Variants in FBXO33 observed in about 807,000 individuals in gnomAD.
FBXO33 encodes the protein F-box protein 33.
FBXO33 carries 22 observed loss-of-function variants against 46.3 expected under a neutral mutation model. The observed-to-expected ratio is 0.48, with a 90% confidence interval of 0.34 to 0.68. The LOEUF is 0.68. Among genes scored for constraint, FBXO33 ranks in the 30% least tolerant of loss-of-function variants. The probability of loss-of-function intolerance (pLI) is 0.01; values close to 1 mark genes in which losing one functional copy is unlikely to be tolerated. For synonymous variants in FBXO33, 337 were observed against 291.3 expected, an observed-to-expected ratio of 1.16 and a Z score of -1.60; for missense variants, 692 against 708.8, an observed-to-expected ratio of 0.98 and a Z score of 0.27.
intron 1 of FBXO33, among the ~76,000 whole-genome samples, chr14:39,404,419 C>A (rs1051523589): frequency 3.3e-5 from 5 of 152,092 alleles, no homozygotes; most frequent in African/African-American, 9.7e-5. Context: ...CTCCGCCTCC[C>A]GGGTTCATGC....
chr14:39,398,695 G>C lies in FBXO33; in HGVS notation c.*821C>G. The C allele has an allele frequency of 6.6e-6, 1 of 152,612 alleles. No individual in the cohort carries two copies. Among genetic ancestry groups the C allele is most frequent in the Admixed American group, 6.5e-5 (1 of 15,282 alleles). The allele number at this position is 152,612 out of a possible 1,614,324, so 9.5% of individuals were successfully genotyped here. A position where few individuals can be genotyped will look rare whatever the true frequency, so the allele number is the denominator to read the frequency against. On this transcript the variant is annotated 3_prime_UTR_variant, in exon 4 of 4. Coordinates refer to ENST00000298097, the MANE Select transcript of FBXO33 (RefSeq NM_203301.4). ...AGAAAAATCCAGTGACTTGTTGCTA[G>C]GGATTTCACGACTAATGTTTTTGCA...
intron 1 of FBXO33, among the ~76,000 whole-genome samples, chr14:39,421,786 A>T (rs1270231280): frequency 2.2e-4 from 12 of 55,590 alleles, no homozygotes; most frequent in South Asian, 3.8e-4. Flanking sequence ...CAAATCACAC[A>T]CACACACACA....
Position 39,401,674 on chromosome 14 carries a change from C to T in FBXO33, c.898G>A (p.Val300Ile). The change falls in exon 3 of 4, where the codon GTT (valine) becomes ATT (isoleucine). Residue 300 changes from valine (V) to isoleucine (I), a missense_variant. Physicochemically the swap from Val to Ile is conservative, Grantham distance 29. This residue lies in a region of FBXO33 where 186 missense variants were observed against 246.1 expected (regional missense o/e 0.76). Coordinates refer to ENST00000298097, the MANE Select transcript of FBXO33 (RefSeq NM_203301.4). ...IPGNSTLITA[V>I]ELERFVNLHS... ...AGATTCACAAATCGCTCCAGTTCAA[C>T]TGCAGTAATAAGAGTGCTGTTACCA... The T allele has an allele frequency of 6.2e-7, 1 of 1,614,206 alleles. No individual in the cohort carries two copies. The highest frequency in any genetic ancestry group is 8.5e-7 in the Non-Finnish European group (1 of 1,180,036).
chr14:39,412,837 T>C (rs1455218884), intron 1 of FBXO33, among the ~76,000 whole-genome samples: 1 of 152,250 alleles, frequency 6.6e-6, no homozygotes, highest in Non-Finnish European at 1.5e-5. Flanking sequence ...TGCAACAGCG[T>C]TATGTCTAAA....
chr14:39,416,723 T>C (rs988226334), intron 1 of FBXO33, among the ~76,000 whole-genome samples: 1 of 152,154 alleles, frequency 6.6e-6, no homozygotes, highest in Non-Finnish European at 1.5e-5. Flanking sequence ...ACTTTGCTCA[T>C]ATATTCTTTT....
At chr14:39,419,911 C>CA (rs2075472415) in intron 1 of FBXO33, among the ~76,000 whole-genome samples, 1 of 152,258 alleles carries the variant, frequency 6.6e-6, no homozygotes, top group Admixed American at 6.5e-5. Context: ...TGTGAAATAT[C>CA]ACAAAGTCAT....
chr14:39,413,712 C>T (rs935144423), intron 1 of FBXO33, among the ~76,000 whole-genome samples: 4 of 152,232 alleles, frequency 2.6e-5, no homozygotes, highest in Non-Finnish European at 4.4e-5. Context: ...ATGAAAACAA[C>T]ATGAATCTCC....
At chr14:39,415,611 A>G (rs1249196003) in intron 1 of FBXO33, among the ~76,000 whole-genome samples, 2 of 152,206 alleles carry the variant, frequency 1.3e-5, no homozygotes, top group Admixed American at 6.5e-5. Flanking sequence ...GTTCTAATTT[A>G]TGTATTTTAA....
At chr14:39,401,048 A>C (rs563658084) in intron 3 of FBXO33, 128 bp downstream of exon 3, 1 of 859,424 alleles carries the variant, frequency 1.2e-6, no homozygotes, top group African/African-American at 1.7e-5. Flanking sequence ...TTTAAAAAGC[A>C]TAAGAATCTG....
chr14:39,431,781 G>C lies in FBXO33; in HGVS notation c.382C>G (p.Leu128Val). The C allele has an allele frequency of 3.7e-6, 6 of 1,612,684 alleles. No individual in the cohort carries two copies. Among genetic ancestry groups the C allele is most frequent in the Non-Finnish European group, 3.4e-6 (4 of 1,179,980 alleles). Residue 128 changes from leucine (L) to valine (V), a missense_variant, in exon 1 of 4, where the codon CTC (leucine) becomes GTC (valine). By Grantham distance (32) the Leu-to-Val change is conservative. Transcript: ENST00000298097. ...SPAEQPRLEFLMRKCGWFVRE... is the reference protein window; with the variant it reads ...SPAEQPRLEFVMRKCGWFVRE... ...ACGAACCAGCCGCACTTGCGCATGAGGAATTCCAGCCGAGGCTGCTCCGCG... is the reference window on the plus strand; with the variant it reads ...ACGAACCAGCCGCACTTGCGCATGACGAATTCCAGCCGAGGCTGCTCCGCG...
rs2075568119 is a variant in FBXO33 at position 39,432,362 on chromosome 14, C to T, written c.-200G>A. The stretch of plus-strand genomic sequence containing the variant: ...CCCTCGCTCGTAAACTTCAGCGGCC[C>T]GGAAGCCTCAAGGCGTACTGTAAGG... On this transcript the variant is annotated 5_prime_UTR_variant, in exon 1 of 4. Coordinates refer to ENST00000298097, the MANE Select transcript of FBXO33 (RefSeq NM_203301.4). 2 of 338,114 alleles carry T rather than the reference C, an allele frequency of 5.9e-6. No homozygotes were observed. Among genetic ancestry groups the T allele is most frequent in the Non-Finnish European group, 5.1e-6 (1 of 197,832 alleles). 20.9% of individuals were successfully genotyped at this position (338,114 alleles called of 1,614,324 possible).
Position 39,402,406 on chromosome 14 carries a change from A to C in FBXO33, c.705T>G (p.Ile235Met). 2 of 1,556,906 alleles carry C rather than the reference A, an allele frequency of 1.3e-6. No individual in the cohort carries two copies. The highest frequency in any genetic ancestry group is 1.7e-6 in the Non-Finnish European group (2 of 1,148,118). The change falls in exon 2 of 4, where the codon ATT becomes ATG. Residue 235 changes from isoleucine to methionine, a missense_variant. Coordinates refer to ENST00000298097, the MANE Select transcript of FBXO33 (RefSeq NM_203301.4). ...CCATTAACCATATAACTTACTGTTT[A>C]ATTTTTTTGCCATCAGGGTCCACCT... ...LSKVDPDGKK[I>M]KQIQQLFEEI...
At chr14:39,401,890 C>T (rs1388256418) in intron 2 of FBXO33, 29 bp from the exon 3 acceptor site, 14 of 1,532,468 alleles carry the variant, frequency 9.1e-6, no homozygotes, top group Non-Finnish European at 1.2e-5. Flanking sequence ...CCACAGTGAT[C>T]CCATTAACAT....
intron 1 of FBXO33, among the ~76,000 whole-genome samples, chr14:39,414,564 T>TA (rs2075438649): frequency 6.6e-6 from 1 of 152,242 alleles, no homozygotes; most frequent in South Asian, 2.1e-4. Context: ...TTATGAAGCT[T>TA]AATCATTTCT....
intron 2 of FBXO33, 72 bp downstream of exon 2, chr14:39,402,329 G>T: frequency 1.2e-6 from 1 of 805,580 alleles, no homozygotes; most frequent in Non-Finnish European, 1.9e-6. Flanking sequence ...TCTTCTGTTT[G>T]TATCTCATAA....
Position 39,432,172 on chromosome 14 carries a change from G to A in FBXO33, c.-10C>T, listed in dbSNP as rs776201993. The A allele has an allele frequency of 1.1e-5, 13 of 1,227,948 alleles. No homozygotes were observed. Among genetic ancestry groups the A allele is most frequent in the Admixed American group, 4.1e-5 (1 of 24,202 alleles). 76.1% of individuals were successfully genotyped at this position (1,227,948 alleles called of 1,614,324 possible). A position where few individuals can be genotyped will look rare whatever the true frequency, so the allele number is the denominator to read the frequency against. ...ACAAGAACAACAACATCAATGACTA[G>A]GAAGAAGGGGGCGGAACCGTCGTGG... On this transcript the variant is annotated 5_prime_UTR_variant, in exon 1 of 4. Transcript: ENST00000298097.
chr14:39,417,042 G>C (rs568953286), intron 1 of FBXO33, among the ~76,000 whole-genome samples: 2 of 152,158 alleles, frequency 1.3e-5, no homozygotes, highest in African/African-American at 4.8e-5. Flanking sequence ...GGCTCCACCA[G>C]TCCTTTAGTA....
At position 39,399,002 on chromosome 14, in the gene FBXO33, G is replaced by A. The variant is rs1349599684; in HGVS notation, c.*514C>T. 1 of 152,448 alleles carries A rather than the reference G, an allele frequency of 6.6e-6. No individual in the cohort carries two copies. Among genetic ancestry groups the A allele is most frequent in the Non-Finnish European group, 1.5e-5 (1 of 68,056 alleles). 9.4% of individuals were successfully genotyped at this position (152,448 alleles called of 1,614,324 possible). A position where few individuals can be genotyped will look rare whatever the true frequency, so the allele number is the denominator to read the frequency against. The stretch of plus-strand genomic sequence containing the variant: ...ATCAACTATTAGATATGTAATGAAA[G>A]TTAAAGTCTTGGCTTTTCTGTTACA... On this transcript the variant is annotated 3_prime_UTR_variant, in exon 4 of 4. Coordinates refer to ENST00000298097, the MANE Select transcript of FBXO33 (RefSeq NM_203301.4).
chr14:39,421,917 T>C (rs889970703), intron 1 of FBXO33, among the ~76,000 whole-genome samples: 1 of 152,182 alleles, frequency 6.6e-6, no homozygotes, highest in African/African-American at 2.4e-5. Context: ...TAGAACATCA[T>C]ATCTAATTCT....
Sources: allele counts gnomAD v4.1 joint callset (sites outside exome capture counted in the v4.1 genomes callset), GRCh38; gene constraint gnomAD v4.1.1; regional missense constraint gnomAD v4.1.1; transcripts MANE v1.5; gene names NCBI Gene and HGNC (gene_info 2026-07-23, HGNC 2026-07-21).